The following ZNF425 variants were observed in gnomAD, a reference collection of about 807,000 sequenced individuals.
ZNF425 encodes zinc finger protein 425.
A neutral mutation model predicts 17.0 loss-of-function variants in ZNF425; 21 were observed. The observed-to-expected ratio is 1.23, with a 90% CI of 0.88 to 1.78. The LOEUF is 1.78. ZNF425 is among the 40% of genes most tolerant of loss of function. ZNF425 has a pLI of 0.00. For synonymous variants in ZNF425, 433 were observed against 384.1 expected, an observed-to-expected ratio of 1.13 and a Z score of -1.49; for missense variants, 868 against 967.3, an observed-to-expected ratio of 0.90 and a Z score of 1.36.
chr7:149,109,037 C>T (rs998901609), intron 3 of ZNF425, among the ~76,000 whole-genome samples: 18 of 151,678 alleles, frequency 1.2e-4, no homozygotes, highest in African/African-American at 3.9e-4. Flanking sequence ...GAGTAACATT[C>T]AGTTACAGGC....
intron 3 of ZNF425, among the ~76,000 whole-genome samples, chr7:149,107,947 C>A (rs1359307003): frequency 6.6e-6 from 1 of 151,768 alleles, no homozygotes; most frequent in South Asian, 2.1e-4. Flanking sequence ...TTCACTGCAG[C>A]CTTGACCTCC....
intron 2 of ZNF425, among the ~76,000 whole-genome samples, chr7:149,118,015 T>C (rs138591867): frequency 0.013 from 2,040 of 152,072 alleles, 15 homozygotes; most frequent in African/African-American, 0.023. Flanking sequence ...GACAGAGAAT[T>C]TAGAGTATTA....
At chr7:149,112,328 A>C (rs1221083039) in intron 2 of ZNF425, 33 bp from the exon 3 acceptor site, 39 of 1,593,110 alleles carry the variant, frequency 2.4e-5, no homozygotes, top group Non-Finnish European at 3.3e-5. Context: ...CTTTGAGTTT[A>C]CTGCATACTT....
intron 3 of ZNF425, among the ~76,000 whole-genome samples, chr7:149,110,796 C>CTTTT (rs71192754): frequency 2.9e-4 from 39 of 133,214 alleles, no homozygotes; most frequent in African/African-American, 1.1e-3. Context: ...ATCCCTTGTT[C>CTTTT]TTTTTTTTTT....
Position 149,105,409 on chromosome 7 carries a change from T to C in ZNF425, c.462A>G (p.Leu154=). ...ATGCTGTGATGCTGACTTTTTTATT[T>C]AGAATCTCTGTTTCTCGGAGACTTG... The part of the protein sequence containing the change: ...QSPSLRETEI[L]NKKVSITAYD... The change falls in exon 4 of 4, where the codon CTA becomes CTG. Residue 154 remains leucine (L), a synonymous_variant. Coordinates refer to ENST00000378061, the MANE Select transcript of ZNF425 (RefSeq NM_001001661.3). 2 of 1,577,434 alleles carry C rather than the reference T, an allele frequency of 1.3e-6. No homozygotes were observed. The highest frequency in any genetic ancestry group is 1.7e-6 in the Non-Finnish European group (2 of 1,165,910).
At chr7:149,111,711 G>A (rs561864141) in intron 3 of ZNF425, among the ~76,000 whole-genome samples, 75 of 148,282 alleles carry the variant, frequency 5.1e-4, no homozygotes, top group African/African-American at 1.7e-3. Flanking sequence ...ATGGAGTCTC[G>A]CTCTGTCTCC....
At position 149,105,196 on chromosome 7, in the gene ZNF425, G is replaced by A. The variant is rs1563144936; in HGVS notation, c.675C>T (p.Asn225=). Residue 225 remains asparagine (N), a synonymous_variant, in exon 4 of 4, where the codon AAC becomes AAT. Transcript: ENST00000378061. ...TGAGTTCGGACTTCCCTCTGGACGA[G>A]TTTTTGTACTTTGGGTATCTGCAGA... ...SQLCRYPKYK[N]SSRGKSELRR... 1.2e-6 allele frequency: 2 copies of A among 1,614,252 alleles called. No homozygotes were observed. Among genetic ancestry groups the A allele is most frequent in the East Asian group, 2.2e-5 (1 of 44,888 alleles).
rs868852361 is a variant in ZNF425 at position 149,103,358 on chromosome 7, C to T, written c.*254G>A. On this transcript the variant is annotated 3_prime_UTR_variant, in exon 4 of 4. Transcript: ENST00000378061. ...CAACCTCCCAAAGTAGCTGGGACCA[C>T]AAGCATGCACCACAACGCCTGGCTG... 9.2e-6 allele frequency: 4 copies of T among 434,470 alleles called. No individual in the cohort carries two copies. Among genetic ancestry groups the T allele is most frequent in the Non-Finnish European group, 4.0e-6 (1 of 247,482 alleles). 26.9% of individuals were successfully genotyped at this position (434,470 alleles called of 1,614,324 possible). A position where few individuals can be genotyped will look rare whatever the true frequency, so the allele number is the denominator to read the frequency against.
At chr7:149,109,170 C>T (rs563231533) in intron 3 of ZNF425, among the ~76,000 whole-genome samples, 13 of 151,802 alleles carry the variant, frequency 8.6e-5, no homozygotes, top group African/African-American at 1.9e-4. Flanking sequence ...CTCCGCCTCC[C>T]GGGTTCACGC....
At chr7:149,112,411 A>T (rs1473410229) in intron 2 of ZNF425, 116 bp from the exon 3 acceptor site, 8 of 832,824 alleles carry the variant, frequency 9.6e-6, no homozygotes, top group Non-Finnish European at 1.5e-5. Context: ...AGGCAGGCAG[A>T]TCTCTTGAGG....
At position 149,104,886 on chromosome 7, in the gene ZNF425, G is replaced by A. The variant is rs1826052220; in HGVS notation, c.985C>T (p.Pro329Ser). 1 of 1,613,534 alleles carries A rather than the reference G, an allele frequency of 6.2e-7. No individual in the cohort carries two copies. The highest frequency in any genetic ancestry group is 8.5e-7 in the Non-Finnish European group (1 of 1,179,936). Residue 329 changes from proline to serine, a missense_variant, in exon 4 of 4, where the codon CCC (proline) becomes TCC (serine). Physicochemically the swap from Pro to Ser is moderately conservative, Grantham distance 74 (BLOSUM62 -1). Coordinates refer to ENST00000378061, the MANE Select transcript of ZNF425 (RefSeq NM_001001661.3). The surrounding 1 kb of genome is among the most constrained non-coding windows in gnomAD (Gnocchi z 4.3). Reference sequence around the variant, plus strand: ...CGGTCACACTGCGGACACTGGAAGGGCTTCTCTCCGCTGTGCAGCCGCAAG... The same window carrying A: ...CGGTCACACTGCGGACACTGGAAGGACTTCTCTCCGCTGTGCAGCCGCAAG... ...EHLRLHSGEK[P>S]FQCPQCDRCF...
Position 149,104,598 on chromosome 7 carries a change from G to A in ZNF425, c.1273C>T (p.Leu425Phe). 6.2e-7 allele frequency: 1 copy of A among 1,614,066 alleles called. No homozygotes were observed. The highest frequency in any genetic ancestry group is 1.3e-5 in the African/African-American group (1 of 75,040). ...SCPECNKSFR[L>F]KRSLKAHGLQ... ...CCGTGGGCTTTCAGGCTTCTCTTGA[G>A]GCGGAAACTTTTGTTACACTCGGGA... is the stretch of plus-strand genomic sequence containing the variant. Residue 425 changes from leucine (L) to phenylalanine (F), a missense_variant, in exon 4 of 4, where the codon CTC becomes TTC. Around this residue, in one of 5 missense-constraint regions of ZNF425, gnomAD observed 437 missense variants for 444.2 expected, o/e 0.98. Transcript: ENST00000378061. This position sits in a 1 kb window ranked among gnomAD's most constrained non-coding sequence, Gnocchi z 4.3.
At chr7:149,112,572 A>G (rs1301374215) in intron 2 of ZNF425, among the ~76,000 whole-genome samples, 1 of 152,216 alleles carries the variant, frequency 6.6e-6, no homozygotes, top group East Asian at 1.9e-4. Context: ...GATGGAGGTT[A>G]TAGTGAGTAG....
chr7:149,110,950 A>G (rs1826165058), intron 3 of ZNF425, among the ~76,000 whole-genome samples: 2 of 150,200 alleles, frequency 1.3e-5, no homozygotes, highest in African/African-American at 4.9e-5. Flanking sequence ...ATGCGCCAAC[A>G]CCCCCGGCTA....
At chr7:149,123,141 A>G (rs977499803) in intron 1 of ZNF425, among the ~76,000 whole-genome samples, 5 of 152,238 alleles carry the variant, frequency 3.3e-5, no homozygotes, top group African/African-American at 9.6e-5. Flanking sequence ...CCATTAACCT[A>G]CAACCTCTAG....
intron 1 of ZNF425, among the ~76,000 whole-genome samples, chr7:149,124,032 A>G (rs1826408126): frequency 1.3e-5 from 2 of 148,766 alleles, no homozygotes; most frequent in Non-Finnish European, 3.0e-5. Flanking sequence ...TCTTTTTAGT[A>G]GAGACGGGGT....
At chr7:149,108,118 T>C (rs1240484476) in intron 3 of ZNF425, among the ~76,000 whole-genome samples, 1 of 151,908 alleles carries the variant, frequency 6.6e-6, no homozygotes, top group East Asian at 1.9e-4. Flanking sequence ...CTAATCTTCC[T>C]GCCTCAGCCT....
chr7:149,112,729 AATC>A (rs1478120611), intron 2 of ZNF425, among the ~76,000 whole-genome samples: 1 of 152,070 alleles, frequency 6.6e-6, no homozygotes, highest in African/African-American at 2.4e-5. Context: ...GCAGTGGTAC[AATC>A]TTGGCTCATT....
intron 1 of ZNF425, among the ~76,000 whole-genome samples, chr7:149,121,116 C>G (rs28830590): frequency 0.74 from 28,240 of 38,304 alleles, 10,399 homozygotes; most frequent in East Asian, 1. Context: ...TTTTTTGAGA[C>G]GGAGTCTCGC....
Sources: gnomAD v4.1 joint callset for allele counts (sites outside exome capture counted in the v4.1 genomes callset) on GRCh38, gnomAD v4.1.1 for gene constraint, gnomAD v4.1.1 regional missense constraint, Gnocchi (gnomAD v3.1) non-coding constraint, MANE v1.5 for transcripts, NCBI Gene and HGNC (gene_info 2026-07-23, HGNC 2026-07-21) for gene names.